The following SYN1 variants were observed in gnomAD, a reference collection of about 807,000 sequenced individuals.
SYN1 encodes the protein synapsin I, also known as synapsin-1.
In SYN1, 8 loss-of-function variants were observed where a neutral mutation model predicts 44.6. The ratio of observed to expected loss-of-function variants is 0.18; its 90% CI spans 0.11 to 0.32. SYN1 has a LOEUF of 0.32. SYN1 is among the 10% of genes least tolerant of loss of function. SYN1 has a pLI of 1.00. For missense variants in SYN1, 451 were observed against 639.4 expected (o/e 0.71, Z 3.18); for synonymous variants, 275 against 280.1 (o/e 0.98, Z 0.18).
rs761594400 is a variant in SYN1 at position 47,587,793 on chromosome X, T to A, written c.775-10292A>T. On this transcript the variant is annotated intron_variant, in intron 5 of 12. Transcript: ENST00000295987. ...CCTGCCCCTCATACTCCAAAGGTCTTGACTCAAGTGAGGCCCTTGGGAACT... is the reference window on the plus strand; with the variant it reads ...CCTGCCCCTCATACTCCAAAGGTCTAGACTCAAGTGAGGCCCTTGGGAACT... 9.8e-5 allele frequency among the ~76,000 whole-genome samples: 11 copies of A among 111,704 alleles called. No individual in the cohort carries two copies. The East Asian group carries it at 3.1e-3, about 32-fold the overall frequency.
intron 5 of SYN1, among the ~76,000 whole-genome samples, chrX:47,597,988 T>C (rs1247394056): frequency 8.9e-6 from 1 of 112,302 alleles, no homozygotes; most frequent in East Asian, 2.8e-4. Context: ...AAACAAAAAC[T>C]GAGATAGTTC....
At chrX:47,573,085 C>CAGCCCCAGCCCT (rs2057765129) in intron 12 of SYN1, 86 bp from the exon 13 acceptor site, 4 of 1,105,652 alleles carry the variant, frequency 3.6e-6, no homozygotes, top group Non-Finnish European at 3.7e-6. Context: ...ACCCCAGGCC[C>CAGCCCCAGCCCT]AGCCCCAGCC....
At chrX:47,607,523 A>G (rs1260767443) in intron 1 of SYN1, among the ~76,000 whole-genome samples, 1 of 110,851 alleles carries the variant, frequency 9.0e-6, no homozygotes. Context: ...TAGCAGCACT[A>G]TGTAAATTAG....
At chrX:47,576,666 G>A (rs1307542307) in intron 6 of SYN1, 26 bp from the exon 7 acceptor site, 1 of 1,211,169 alleles carries the variant, frequency 8.3e-7, no homozygotes, top group South Asian at 1.8e-5. Context: ...CAAGGATCAG[G>A]GCCTGGTCAG....
At chrX:47,585,936 T>C (rs2057824092) in intron 5 of SYN1, 3 of 1,101,269 alleles carry the variant, frequency 2.7e-6, no homozygotes, top group South Asian at 2.0e-5. Context: ...TATTCTGTAA[T>C]CCCACTCCCC....
At chrX:47,614,514 G>A (rs2057925672) in intron 1 of SYN1, among the ~76,000 whole-genome samples, 2 of 111,814 alleles carry the variant, frequency 1.8e-5, no homozygotes, top group Admixed American at 1.9e-4. Context: ...TCTCACTACC[G>A]TGCTCTTTCA....
rs767683997 is a variant in SYN1 at position 47,608,267 on chromosome X, GAAGGAA to G, written c.378-1075_378-1070del. ...GGAAGGAAGGAAGGAAGGAAGGAAGGAAGGAAGGAAGGAAGGAAGGAAGGGGAAGGA... is the reference window on the plus strand; with the variant it reads ...GGAAGGAAGGAAGGAAGGAAGGAAGGGGAAGGAAGGAAGGAAGGGGAAGGA... On this transcript the variant is annotated intron_variant, in intron 1 of 12. Transcript: ENST00000295987. 1.9e-4 allele frequency among the ~76,000 whole-genome samples: 5 copies of G among 26,425 alleles called. 1 individual carries two copies. Among genetic ancestry groups the G allele is most frequent in the Non-Finnish European group, 2.3e-4 (3 of 12,855 alleles). 22.9% of individuals were successfully genotyped at this position (26,425 alleles called of 115,157 possible).
chrX:47,596,771 CATTATATT>C (rs1169377464), intron 5 of SYN1, among the ~76,000 whole-genome samples: 1 of 111,453 alleles, frequency 9.0e-6, no homozygotes, highest in African/African-American at 3.3e-5. Flanking sequence ...AGAGTTGCCA[CATTATATT>C]ATTTAAATGT....
intron 5 of SYN1, chrX:47,582,521 A>C (rs778236768): frequency 3.2e-5 from 11 of 340,218 alleles, no homozygotes; most frequent in South Asian, 2.9e-4. Flanking sequence ...GCTGGGCTGC[A>C]GCTTGGGTGC....
intron 1 of SYN1, among the ~76,000 whole-genome samples, chrX:47,610,798 G>A (rs1412379037): frequency 9.0e-6 from 1 of 111,409 alleles, no homozygotes; most frequent in East Asian, 2.8e-4. Flanking sequence ...AACTTCCATG[G>A]CAGATTGCAC....
intron 3 of SYN1, among the ~76,000 whole-genome samples, chrX:47,605,664 T>C (rs776750689): frequency 2.2e-4 from 24 of 111,106 alleles, no homozygotes; most frequent in Non-Finnish European, 4.0e-4. Context: ...TCTCTCAGAC[T>C]GCAAGCTGTC....
intron 5 of SYN1, chrX:47,586,583 C>G (rs745510633): frequency 4.0e-5 from 48 of 1,210,664 alleles, no homozygotes; most frequent in Non-Finnish European, 5.4e-5. Flanking sequence ...TGTGGACGGA[C>G]CAGCTCCTCC....
chrX:47,613,118 G>A (rs753508205), intron 1 of SYN1, among the ~76,000 whole-genome samples: 5 of 89,542 alleles, frequency 5.6e-5, no homozygotes, highest in African/African-American at 1.7e-4. Context: ...GCAATAGAGC[G>A]AGACTCCGTC....
rs2057762911 is a variant in SYN1 at position 47,572,433 on chromosome X, T to C, written c.*431A>G. ...GGGGTTTCTTGAGGATTTGGAAAAT[T>C]ATGATGGGAAATAGGTGTGCTGGAG... On this transcript the variant is annotated 3_prime_UTR_variant, in exon 13 of 13. Transcript: ENST00000295987. 7.6e-6 allele frequency: 1 copy of C among 132,045 alleles called. No homozygotes were observed. The highest frequency in any genetic ancestry group is 7.9e-5 in the Admixed American group (1 of 12,718). 10.9% of individuals were successfully genotyped at this position (132,045 alleles called of 1,213,427 possible). A position where few individuals can be genotyped will look rare whatever the true frequency, so the allele number is the denominator to read the frequency against.
intron 5 of SYN1, among the ~76,000 whole-genome samples, chrX:47,594,099 T>C (rs1212254905): frequency 2.7e-5 from 3 of 110,308 alleles, no homozygotes; most frequent in Non-Finnish European, 1.9e-5. Context: ...CTAGGCATGG[T>C]GGCACGCACC....
rs1348737106 is a variant in SYN1 at position 47,579,442 on chromosome X, G to T, written c.775-1941C>A. On this transcript the variant is annotated intron_variant, in intron 5 of 12. Coordinates refer to ENST00000295987, the MANE Select transcript of SYN1 (RefSeq NM_006950.3). ...GCCTCAGTTTCCCCATCTGCACAAA[G>T]AGCACAATGAGGCCCAAGCACCTGG... Among the ~76,000 whole-genome samples, 22 of 110,952 alleles carry T rather than the reference G, an allele frequency of 2.0e-4. No individual in the cohort carries two copies. In the Admixed American group the frequency reaches 2.1e-3, roughly 11 times the overall value.
Position 47,576,392 on chromosome X carries a change from G to A in SYN1, c.995C>T (p.Ser332Leu). ...GCCAGTATTGGTCTTCCAGTTCCCT[G>A]ACACTGACGTCCTCCTGGGGGACAA... ...NYKAYMRTSVSGNWKTNTGSA... is the reference protein window; with the variant it reads ...NYKAYMRTSVLGNWKTNTGSA... The change falls in exon 8 of 13, where the codon TCA becomes TTA. Residue 332 changes from serine to leucine, a missense_variant. Transcript: ENST00000295987. The A allele has an allele frequency of 8.3e-7, 1 of 1,212,033 alleles. No homozygotes were observed. Among genetic ancestry groups the A allele is most frequent in the South Asian group, 1.8e-5 (1 of 57,022 alleles).
chrX:47,609,722 C>T (rs779822210), intron 1 of SYN1, among the ~76,000 whole-genome samples: 1 of 112,024 alleles, frequency 8.9e-6, no homozygotes, highest in Non-Finnish European at 1.9e-5. Context: ...GCTGTAGCAA[C>T]GCAAAGTGCT....
chrX:47,605,415 C>A (rs201154840), intron 3 of SYN1, 36 bp from the exon 4 acceptor site: 1 of 1,199,363 alleles, frequency 8.3e-7, no homozygotes, highest in Non-Finnish European at 1.1e-6. Context: ...GAGAGTTCCC[C>A]CAGAAGCTCC....
Sources: allele counts gnomAD v4.1 joint callset (sites outside exome capture counted in the v4.1 genomes callset), GRCh38; gene constraint gnomAD v4.1.1; transcripts MANE v1.5; gene names NCBI Gene and HGNC (gene_info 2026-07-23, HGNC 2026-07-21).